ACACB: variants seen among roughly 807,000 people sequenced by gnomAD.
ACACB encodes acetyl-CoA carboxylase beta, also known as acetyl-CoA carboxylase 2.
In ACACB, 209 loss-of-function variants were observed where a neutral mutation model predicts 278.8. The ratio of observed to expected loss-of-function variants is 0.75; its 90% CI spans 0.67 to 0.84. ACACB has a LOEUF of 0.84. ACACB is among the 40% of genes least tolerant of loss of function. The probability of loss-of-function intolerance (pLI) is 0.00; values close to 1 mark genes in which losing one functional copy is unlikely to be tolerated. For synonymous variants in ACACB, 1,174 were observed against 1,285.6 expected, an observed-to-expected ratio of 0.91 and a Z score of 1.86; for missense variants, 2,850 against 3,269.0, an observed-to-expected ratio of 0.87 and a Z score of 3.13.
chr12:109,118,550 A>G (rs1216477576), intron 1 of ACACB, among the ~76,000 whole-genome samples: 1 of 151,500 alleles, frequency 6.6e-6, no homozygotes, highest in Admixed American at 6.6e-5. Flanking sequence ...AGTAGCTGGG[A>G]TTGCAGGCAA....
At chr12:109,147,800 G>T (rs1422328355) in intron 2 of ACACB, among the ~76,000 whole-genome samples, 2 of 152,162 alleles carry the variant, frequency 1.3e-5, no homozygotes, top group Non-Finnish European at 2.9e-5. Flanking sequence ...ATGAGTGTGG[G>T]AATGGATGAA....
intron 2 of ACACB, among the ~76,000 whole-genome samples, chr12:109,150,764 G>C (rs915284394): frequency 6.6e-6 from 1 of 152,136 alleles, no homozygotes; most frequent in Non-Finnish European, 1.5e-5. Flanking sequence ...ATCTCTTATC[G>C]GCTCCAAGCA....
intron 11 of ACACB, among the ~76,000 whole-genome samples, chr12:109,182,707 C>T (rs1451543329): frequency 6.6e-6 from 1 of 152,194 alleles, no homozygotes; most frequent in Non-Finnish European, 1.5e-5. Context: ...AATCCCTCGT[C>T]AGGTGGCTAG....
intron 16 of ACACB, among the ~76,000 whole-genome samples, chr12:109,196,753 C>T (rs756371611): frequency 2.6e-5 from 4 of 152,332 alleles, no homozygotes; most frequent in Middle Eastern, 6.8e-3. Context: ...GTTGCCAACA[C>T]GGCTTGACAG....
At chr12:109,251,275 T>G (rs946987585) in intron 41 of ACACB, among the ~76,000 whole-genome samples, 1 of 152,210 alleles carries the variant, frequency 6.6e-6, no homozygotes, top group Admixed American at 6.5e-5. Flanking sequence ...AGAGAGACAC[T>G]TTAGCAACTG....
At chr12:109,159,360 G>A (rs1340027703) in intron 2 of ACACB, among the ~76,000 whole-genome samples, 4 of 152,074 alleles carry the variant, frequency 2.6e-5, no homozygotes, top group African/African-American at 9.7e-5. Flanking sequence ...AGAAATTGAA[G>A]GTCTGATTAA....
chr12:109,244,930 T>G (rs957918678), intron 37 of ACACB, among the ~76,000 whole-genome samples: 3 of 152,180 alleles, frequency 2.0e-5, no homozygotes, highest in Admixed American at 1.3e-4. Flanking sequence ...CCGGGCGTGG[T>G]GGCTCACGCC....
intron 1 of ACACB, among the ~76,000 whole-genome samples, chr12:109,117,276 C>T (rs2042427367): frequency 6.7e-6 from 1 of 149,598 alleles, no homozygotes; most frequent in South Asian, 2.1e-4. Flanking sequence ...AGGAGAATCG[C>T]TTGAACCCAG....
chr12:109,171,641 C>G (rs1037617800), intron 4 of ACACB, among the ~76,000 whole-genome samples, 164 bp from the exon 5 acceptor site: 1 of 152,224 alleles, frequency 6.6e-6, no homozygotes, highest in African/African-American at 2.4e-5. Context: ...TGAGCCACCA[C>G]GCCTGGCCTT....
chr12:109,193,043 G>A (rs572713597), intron 15 of ACACB, among the ~76,000 whole-genome samples: 5 of 152,260 alleles, frequency 3.3e-5, no homozygotes, highest in East Asian at 3.9e-4. Context: ...TTCATAAGCC[G>A]AAGGCAGGAT....
At chr12:109,237,758 T>C (rs531368642) in intron 34 of ACACB, among the ~76,000 whole-genome samples, 2 of 152,212 alleles carry the variant, frequency 1.3e-5, no homozygotes, top group African/African-American at 2.4e-5. Context: ...ATGCCTGTAA[T>C]CCCAGTACTT....
Position 109,206,713 on chromosome 12 carries a change from G to A in ACACB, c.2917G>A (p.Glu973Lys). ...CGTTCTTGTGGTGTCTCATCAGGCT[G>A]AACCGTTCACAGGAGAACTCCCTGC... ...LDDPSKVHPA[E>K]PFTGELPAQQ... The change falls in exon 20 of 53, where the codon GAA (glutamate) becomes AAA (lysine). Residue 973 changes from glutamate (E) to lysine (K), a missense_variant. Physicochemically the swap from Glu to Lys is moderately conservative, Grantham distance 56. Around this residue, in one of 3 missense-constraint regions of ACACB, gnomAD observed 2,265 missense variants for 2,561.3 expected, o/e 0.88. Coordinates refer to ENST00000338432, the MANE Select transcript of ACACB (RefSeq NM_001093.4). 1 of 1,613,872 alleles carries A rather than the reference G, an allele frequency of 6.2e-7. No homozygotes were observed. Among genetic ancestry groups the A allele is most frequent in the Non-Finnish European group, 8.5e-7 (1 of 1,180,008 alleles).
At chr12:109,171,498 CACCACCACGCCTGGCTA>C (rs1275127323) in intron 4 of ACACB, among the ~76,000 whole-genome samples, 1 of 152,070 alleles carries the variant, frequency 6.6e-6, no homozygotes, top group Non-Finnish European at 1.5e-5. Flanking sequence ...TACAGGTGCC[CACCACCACGCCTGGCTA>C]ATTTTTGTAT....
At chr12:109,135,127 T>C (rs936821661) in intron 1 of ACACB, among the ~76,000 whole-genome samples, 8 of 152,240 alleles carry the variant, frequency 5.3e-5, no homozygotes, top group African/African-American at 9.6e-5. Context: ...TTTAAATTCC[T>C]ACTGGCAATG....
Position 109,266,690 on chromosome 12 carries a change from G to A in ACACB, c.*328G>A, listed in dbSNP as rs1228289150. The A allele has an allele frequency of 5.7e-6, 1 of 176,080 alleles. No homozygotes were observed. The highest frequency in any genetic ancestry group is 2.4e-5 in the African/African-American group (1 of 42,312). The allele number at this position is 176,080 out of a possible 1,614,324, so 10.9% of individuals were successfully genotyped here. Reference sequence around the variant, plus strand: ...ACAGTGCCTGGCATGTGGGATCCAGGCGTTCTTTAGGATCCTTGGATACCA... The same window carrying A: ...ACAGTGCCTGGCATGTGGGATCCAGACGTTCTTTAGGATCCTTGGATACCA... On this transcript the variant is annotated 3_prime_UTR_variant, in exon 53 of 53. Coordinates refer to ENST00000338432, the MANE Select transcript of ACACB (RefSeq NM_001093.4).
At chr12:109,214,113 T>A (rs959388000) in intron 22 of ACACB, among the ~76,000 whole-genome samples, 10 of 145,476 alleles carry the variant, frequency 6.9e-5, no homozygotes, top group African/African-American at 2.6e-4. Context: ...AAAAAAAAAA[T>A]GAGTCGGGGA....
At chr12:109,152,195 G>A (rs796421173) in intron 2 of ACACB, among the ~76,000 whole-genome samples, 18 of 152,348 alleles carry the variant, frequency 1.2e-4, no homozygotes, top group African/African-American at 3.8e-4. Flanking sequence ...AGCAATACAA[G>A]TATGCTGGCA....
In ACACB at chr12:109,171,832, T is replaced by C. The variant is rs1429113872; in HGVS notation, c.953T>C (p.Val318Ala). 1.2e-6 allele frequency: 2 copies of C among 1,613,988 alleles called. No homozygotes were observed. Residue 318 changes from valine to alanine, a missense_variant, in exon 5 of 53, where the codon GTC becomes GCC. By Grantham distance (64) the Val-to-Ala change is moderately conservative. This residue lies in a region of ACACB where 2,265 missense variants were observed against 2,561.3 expected (regional missense o/e 0.88). Coordinates refer to ENST00000338432, the MANE Select transcript of ACACB (RefSeq NM_001093.4). ...AEYIKMADHY[V>A]PVPGGPNNNN... ...TACATCAAGATGGCGGATCATTACGTCCCCGTCCCAGGAGGGCCCAATAAC... is the reference window on the plus strand; with the variant it reads ...TACATCAAGATGGCGGATCATTACGCCCCCGTCCCAGGAGGGCCCAATAAC...
chr12:109,216,853 A>G lies in ACACB; in HGVS notation c.3497A>G (p.Gln1166Arg), dbSNP rs765078219. 7 of 1,614,026 alleles carry G rather than the reference A, an allele frequency of 4.3e-6. No individual in the cohort carries two copies. The highest frequency in any genetic ancestry group is 1.7e-5 in the Admixed American group (1 of 59,996). The change falls in exon 24 of 53, where the codon CAG (glutamine) becomes CGG (arginine). Residue 1166 changes from glutamine to arginine, a missense_variant. Physicochemically the swap from Gln to Arg is conservative, Grantham distance 43. Coordinates refer to ENST00000338432, the MANE Select transcript of ACACB (RefSeq NM_001093.4). ...GAGCAGTTCAAGCCAGACATGTCCC[A>G]GGTGCTGGACTGCATCTTCTCCCAC... is the stretch of plus-strand genomic sequence containing the variant. ...LREQFKPDMSQVLDCIFSHAQ... is the reference protein window; with the variant it reads ...LREQFKPDMSRVLDCIFSHAQ...
Sources: gnomAD v4.1 joint callset for allele counts (sites outside exome capture counted in the v4.1 genomes callset) on GRCh38, gnomAD v4.1.1 for gene constraint, gnomAD v4.1.1 regional missense constraint, MANE v1.5 for transcripts, NCBI Gene and HGNC (gene_info 2026-07-23, HGNC 2026-07-21) for gene names.